The following SEC24D variants were observed in gnomAD, a reference collection of about 807,000 sequenced individuals.
SEC24D encodes the protein protein transport protein Sec24D.
Under a neutral mutation model 116.9 loss-of-function variants are expected in SEC24D, and 69 were observed. The ratio of observed to expected loss-of-function variants is 0.59; its 90% CI spans 0.49 to 0.72. The LOEUF (loss-of-function observed/expected upper bound fraction) is 0.72, where lower values mean the gene tolerates loss of function less well. Ranked by LOEUF, SEC24D falls within the 30% of genes least tolerant of loss-of-function variation. SEC24D has a pLI of 0.00. For synonymous variants in SEC24D, 405 were observed against 442.8 expected (o/e 0.91, Z 1.07); for missense variants, 1,131 against 1,264.1 (o/e 0.89, Z 1.60).
intron 8 of SEC24D, among the ~76,000 whole-genome samples, chr4:118,769,044 T>C (rs1296787093): frequency 6.6e-6 from 1 of 152,230 alleles, no homozygotes; most frequent in Non-Finnish European, 1.5e-5. Context: ...CTAGTTTGCA[T>C]AGCAGTATGC....
intron 19 of SEC24D, among the ~76,000 whole-genome samples, chr4:118,737,005 G>C (rs895999383): frequency 2.0e-5 from 3 of 152,170 alleles, no homozygotes; most frequent in African/African-American, 7.2e-5. Context: ...GTTAACAAAT[G>C]AATGTCCAGA....
chr4:118,730,361 A>C (rs1725622313), intron 21 of SEC24D: 1 of 152,260 alleles, frequency 6.6e-6, no homozygotes, highest in South Asian at 2.1e-4. Flanking sequence ...TTCTCTTAAA[A>C]ATACACTTTT....
At position 118,815,036 on chromosome 4, in the gene SEC24D, G is replaced by A; in HGVS notation, c.793C>T (p.Pro265Ser). The part of the protein sequence containing the change: ...PQKKLDPDSI[P>S]SPIQVIENDR... Reference sequence around the variant, plus strand: ...GTGAGAAGAGTACTTACTGGGCTAGGGATAGAGTCAGGATCCAGCTTCTTC... The same window carrying A: ...GTGAGAAGAGTACTTACTGGGCTAGAGATAGAGTCAGGATCCAGCTTCTTC... The change falls in exon 6 of 23, where the codon CCT becomes TCT. Residue 265 changes from proline to serine, a missense_variant. Transcript: ENST00000280551. 6.2e-7 allele frequency: 1 copy of A among 1,614,038 alleles called. No individual in the cohort carries two copies. Among genetic ancestry groups the A allele is most frequent in the Non-Finnish European group, 8.5e-7 (1 of 1,179,962 alleles).
chr4:118,755,561 G>A (rs558970565), intron 11 of SEC24D, among the ~76,000 whole-genome samples: 20 of 151,418 alleles, frequency 1.3e-4, no homozygotes, highest in African/African-American at 4.8e-4. Context: ...AGTCAGAAAA[G>A]TCTGGCGACC....
intron 7 of SEC24D, among the ~76,000 whole-genome samples, chr4:118,804,084 T>C (rs1049805974): frequency 1.3e-5 from 2 of 152,266 alleles, no homozygotes; most frequent in Admixed American, 1.3e-4. Context: ...GAGAGACCTA[T>C]CTAAACCACA....
In SEC24D at chr4:118,768,584, G is replaced by A. The variant is rs546249425; in HGVS notation, c.1042-273C>T. ...TAATTTTTGTATTTTTAGTAGAGAC[G>A]AGGTTTCGCCATGTTGGCCAGGCTG... On this transcript the variant is annotated intron_variant, in intron 8 of 22. Transcript: ENST00000280551. Among the ~76,000 whole-genome samples the A allele has an allele frequency of 3.3e-5, 5 of 152,180 alleles. No individual in the cohort carries two copies. The East Asian group carries it at 7.7e-4, about 24-fold the overall frequency.
chr4:118,815,439 T>C lies in SEC24D; in HGVS notation c.673+12A>G. The C allele has an allele frequency of 6.2e-7, 1 of 1,613,524 alleles. No individual in the cohort carries two copies. Among genetic ancestry groups the C allele is most frequent in the Middle Eastern group, 1.7e-4 (1 of 5,834 alleles). On this transcript the variant is annotated intron_variant, in intron 5 of 22. Coordinates refer to ENST00000280551, the MANE Select transcript of SEC24D (RefSeq NM_014822.4). ...TAACACAAAGCCTTCCCCTGCACCC[T>C]GTCCGCCTTACCCTGCTGCGGAGGA...
At chr4:118,756,498 T>C (rs955236653) in intron 11 of SEC24D, among the ~76,000 whole-genome samples, 1 of 152,146 alleles carries the variant, frequency 6.6e-6, no homozygotes, top group Non-Finnish European at 1.5e-5. Flanking sequence ...CAGAGTTCAT[T>C]TGTCTGAGCC....
At chr4:118,776,775 G>C (rs1728152776) in intron 8 of SEC24D, among the ~76,000 whole-genome samples, 1 of 152,096 alleles carries the variant, frequency 6.6e-6, no homozygotes. Context: ...ATGTTGTCTA[G>C]TTACAGGCCA....
At chr4:118,821,261 C>T (rs1730389574) in intron 3 of SEC24D, among the ~76,000 whole-genome samples, 1 of 152,202 alleles carries the variant, frequency 6.6e-6, no homozygotes, top group Non-Finnish European at 1.5e-5. Context: ...TAGATTCACA[C>T]ATATCAGCTT....
At chr4:118,767,028 T>G (rs1727674254) in intron 9 of SEC24D, among the ~76,000 whole-genome samples, 1 of 152,158 alleles carries the variant, frequency 6.6e-6, no homozygotes, top group Non-Finnish European at 1.5e-5. Context: ...ATAGTTAATG[T>G]AAGGAGAGAG....
chr4:118,738,498 C>T, intron 18 of SEC24D, 119 bp from the exon 19 acceptor site: 2 of 729,318 alleles, frequency 2.7e-6, no homozygotes, highest in South Asian at 3.0e-5. Context: ...AGAATAATAG[C>T]ATTTAAATCT....
rs191919480 is a variant in SEC24D, at chr4:118,786,926, T to G, written c.1041+10757A>C. Among the ~76,000 whole-genome samples the G allele has an allele frequency of 1.7e-3, 257 of 152,298 alleles. 1 individual carries two copies. Among genetic ancestry groups the G allele is most frequent in the African/African-American group, 5.8e-3 (242 of 41,576 alleles). On this transcript the variant is annotated intron_variant, in intron 8 of 22. Transcript: ENST00000280551. ...TCTCCTGAAGTTGTTCCCCATTTAA[T>G]AAAAGAATAAAGACTTACAGGAATA...
rs751751493 is a variant in SEC24D, at chr4:118,757,804, A to C, written c.1338T>G (p.Ile446Met). The stretch of plus-strand genomic sequence containing the variant: ...TCTTTATGTTACTATATGAAACATC[A>C]ATCATGAAGATAAAGGCTGGTGGGT... ...PPNPPAFIFM[I>M]DVSYSNIKNG... Residue 446 changes from isoleucine (I) to methionine (M), a missense_variant, in exon 11 of 23, where the codon ATT becomes ATG. By Grantham distance (10) the Ile-to-Met change is conservative (BLOSUM62 1). Coordinates refer to ENST00000280551, the MANE Select transcript of SEC24D (RefSeq NM_014822.4). 6.2e-7 allele frequency: 1 copy of C among 1,612,110 alleles called. No homozygotes were observed. Among genetic ancestry groups the C allele is most frequent in the Non-Finnish European group, 8.5e-7 (1 of 1,178,872 alleles).
At position 118,809,534 on chromosome 4, in the gene SEC24D, C is replaced by A. The variant is rs1263364437; in HGVS notation, c.802-3580G>T. 3.3e-5 allele frequency among the ~76,000 whole-genome samples: 5 copies of A among 152,174 alleles called. No individual in the cohort carries two copies. The East Asian group carries it at 9.6e-4, about 29-fold the overall frequency. On this transcript the variant is annotated intron_variant, in intron 6 of 22. Coordinates refer to ENST00000280551, the MANE Select transcript of SEC24D (RefSeq NM_014822.4). ...TAATAGGAATACAAACAGGCTCCAT[C>A]TGACCATCACTATATCATTAGTTTT...
Position 118,732,779 on chromosome 4 carries a change from C to A in SEC24D, c.2630G>T (p.Gly877Val). 6.2e-7 allele frequency: 1 copy of A among 1,614,126 alleles called. No homozygotes were observed. Among genetic ancestry groups the A allele is most frequent in the Non-Finnish European group, 8.5e-7 (1 of 1,179,984 alleles). ...GAAGAAAAGCTGAGAGTCAGCCACACCCATGGTCATGACCAGCTGTCTCTG... is the reference window on the plus strand; with the variant it reads ...GAAGAAAAGCTGAGAGTCAGCCACAACCATGGTCATGACCAGCTGTCTCTG... ...AYQRQLVMTM[G>V]VADSQLFFYP... The change falls in exon 20 of 23, where the codon GGT becomes GTT. Residue 877 changes from glycine (G) to valine (V), a missense_variant. Physicochemically the swap from Gly to Val is moderately radical, Grantham distance 109 (BLOSUM62 -3). Transcript: ENST00000280551.
intron 3 of SEC24D, among the ~76,000 whole-genome samples, chr4:118,822,176 T>G (rs1730428468): frequency 6.6e-6 from 1 of 152,208 alleles, no homozygotes; most frequent in Admixed American, 6.5e-5. Context: ...GTACTCTGCA[T>G]GTATTAATCA....
At chr4:118,795,709 A>T (rs1729150597) in intron 8 of SEC24D, among the ~76,000 whole-genome samples, 1 of 152,222 alleles carries the variant, frequency 6.6e-6, no homozygotes, top group African/African-American at 2.4e-5. Flanking sequence ...AATAGGCTAA[A>T]CAAATCTATC....
intron 1 of SEC24D, among the ~76,000 whole-genome samples, chr4:118,834,159 T>C (rs1378511605): frequency 2.6e-5 from 4 of 152,266 alleles, no homozygotes; most frequent in Non-Finnish European, 5.9e-5. Flanking sequence ...AGATGTTTTA[T>C]GACTTACGTC....
Sources: gnomAD v4.1 joint callset for allele counts (sites outside exome capture counted in the v4.1 genomes callset) on GRCh38, gnomAD v4.1.1 for gene constraint, MANE v1.5 for transcripts, NCBI Gene and HGNC (gene_info 2026-07-23, HGNC 2026-07-21) for gene names.